SDK1: variants seen among roughly 807,000 people sequenced by gnomAD.
SDK1 encodes sidekick cell adhesion molecule 1.
In SDK1, 157 loss-of-function variants were observed where a neutral mutation model predicts 245.5. That is an observed-to-expected ratio of 0.64 (90% CI 0.56 to 0.73). SDK1 has a LOEUF of 0.73. SDK1 is among the 30% of genes least tolerant of loss of function. The pLI, the probability that SDK1 is intolerant of heterozygous loss-of-function variation, is 0.00. For synonymous variants in SDK1, 1,647 were observed against 1,278.5 expected, an observed-to-expected ratio of 1.29 and a Z score of -6.15; for missense variants, 3,583 against 3,002.3, an observed-to-expected ratio of 1.19 and a Z score of -4.52.
At chr7:3,684,111 C>A (rs889885419) in intron 4 of SDK1, among the ~76,000 whole-genome samples, 3 of 152,210 alleles carry the variant, frequency 2.0e-5, no homozygotes, top group Non-Finnish European at 2.9e-5. Context: ...ATCCTCCATT[C>A]CCTGCTCAGC....
intron 1 of SDK1, among the ~76,000 whole-genome samples, chr7:3,444,921 T>G (rs940790724): frequency 2.6e-5 from 4 of 152,198 alleles, no homozygotes; most frequent in Non-Finnish European, 5.9e-5. Flanking sequence ...AGTAATAAGA[T>G]AAGAAACTAT....
chr7:3,620,122 G>A lies in SDK1; in HGVS notation c.458+883G>A, dbSNP rs191594344. Among the ~76,000 whole-genome samples the A allele has an allele frequency of 2.1e-3, 314 of 152,166 alleles. 4 individuals are homozygous for A. Among genetic ancestry groups the A allele is most frequent in the African/African-American group, 7.4e-3 (307 of 41,518 alleles). ...TGGGCTGTATAGAGGCATTTTAAGT[G>A]GAATAACAAGCTTCTCAAATGGGGA... On this transcript the variant is annotated intron_variant, in intron 2 of 44. Transcript: ENST00000404826.
At chr7:3,302,261 G>A (rs983356627) in intron 1 of SDK1, 1 of 152,324 alleles carries the variant, frequency 6.6e-6, no homozygotes, top group Admixed American at 6.5e-5. Flanking sequence ...CTGGTTTCCG[G>A]TGAGTGACAT....
intron 1 of SDK1, among the ~76,000 whole-genome samples, chr7:3,377,516 T>C (rs1332391088): frequency 2.0e-5 from 3 of 152,090 alleles, no homozygotes; most frequent in South Asian, 4.2e-4. Context: ...TAAGCAGTAC[T>C]TGGTCAGGAG....
At chr7:3,476,105 T>G (rs1218741005) in intron 1 of SDK1, 1 of 152,684 alleles carries the variant, frequency 6.5e-6, no homozygotes, top group Non-Finnish European at 1.5e-5. Context: ...CTCTCTGTTT[T>G]AGATTAAGTG....
chr7:3,759,333 A>G (rs559884830), intron 4 of SDK1, among the ~76,000 whole-genome samples: 1 of 152,174 alleles, frequency 6.6e-6, no homozygotes, highest in African/African-American at 2.4e-5. Flanking sequence ...AATCATAGAA[A>G]CATTTTTAAA....
chr7:3,919,582 G>C (rs1779516890), intron 5 of SDK1, among the ~76,000 whole-genome samples: 1 of 152,166 alleles, frequency 6.6e-6, no homozygotes, highest in African/African-American at 2.4e-5. Flanking sequence ...TCGAGGCATT[G>C]ACCAAAATCT....
chr7:4,071,814 C>T (rs900693056), intron 20 of SDK1, among the ~76,000 whole-genome samples: 1 of 152,202 alleles, frequency 6.6e-6, no homozygotes, highest in East Asian at 1.9e-4. Context: ...GAATTCTGGC[C>T]TACCGTCTGC....
At chr7:3,423,948 A>G (rs1191736348) in intron 1 of SDK1, among the ~76,000 whole-genome samples, 13 of 147,848 alleles carry the variant, frequency 8.8e-5, no homozygotes, top group South Asian at 2.1e-4. Context: ...ATGAGTCTCT[A>G]TTGCCCAGGC....
intron 22 of SDK1, among the ~76,000 whole-genome samples, chr7:4,098,050 G>C (rs958189611): frequency 6.6e-6 from 1 of 152,118 alleles, no homozygotes; most frequent in African/African-American, 2.4e-5. Context: ...AATGTTTCTT[G>C]GTTGCTCGAC....
At chr7:3,480,304 C>T (rs547219183) in intron 1 of SDK1, among the ~76,000 whole-genome samples, 1 of 152,300 alleles carries the variant, frequency 6.6e-6, no homozygotes, top group Non-Finnish European at 1.5e-5. Flanking sequence ...ATGTGAAAAC[C>T]TAAGGAAATG....
chr7:3,349,849 G>A (rs1780610668), intron 1 of SDK1, among the ~76,000 whole-genome samples: 2 of 151,990 alleles, frequency 1.3e-5, no homozygotes, highest in African/African-American at 2.4e-5. Context: ...TTATCTGCCC[G>A]CCTCGGCCTC....
chr7:4,113,248 C>A (rs1185455663), intron 23 of SDK1, 41 bp from the exon 24 acceptor site: 1 of 1,595,700 alleles, frequency 6.3e-7, no homozygotes, highest in South Asian at 1.1e-5. Flanking sequence ...TCCTTCTTAC[C>A]TTTGCTTTGC....
At chr7:3,790,778 A>G (rs758909986) in intron 4 of SDK1, among the ~76,000 whole-genome samples, 1 of 152,160 alleles carries the variant, frequency 6.6e-6, no homozygotes, top group Admixed American at 6.5e-5. Context: ...TGCCTGGGAA[A>G]CAAGAGCGAA....
intron 1 of SDK1, among the ~76,000 whole-genome samples, chr7:3,609,837 A>G (rs1781536648): frequency 6.6e-6 from 1 of 151,866 alleles, no homozygotes; most frequent in African/African-American, 2.4e-5. Flanking sequence ...GGTAGCTGGG[A>G]CCACACGCAC....
At chr7:3,955,984 A>G (rs920877820) in intron 7 of SDK1, among the ~76,000 whole-genome samples, 1 of 152,102 alleles carries the variant, frequency 6.6e-6, no homozygotes, top group African/African-American at 2.4e-5. Context: ...AAGGCGGAAA[A>G]TCTGAGCTGG....
chr7:3,722,513 C>T (rs1266859586), intron 4 of SDK1, among the ~76,000 whole-genome samples: 3 of 152,162 alleles, frequency 2.0e-5, no homozygotes, highest in South Asian at 2.1e-4. Flanking sequence ...AGCCATTTGC[C>T]TTCCCTCCTC....
At chr7:3,624,949 G>A (rs971533642) in intron 2 of SDK1, among the ~76,000 whole-genome samples, 3 of 152,238 alleles carry the variant, frequency 2.0e-5, no homozygotes, top group Admixed American at 6.5e-5. Flanking sequence ...GGAGGCAGGA[G>A]AATCCCTTGA....
At chr7:3,631,289 C>T (rs1427476895) in intron 2 of SDK1, among the ~76,000 whole-genome samples, 2 of 152,064 alleles carry the variant, frequency 1.3e-5, no homozygotes, top group Non-Finnish European at 2.9e-5. Flanking sequence ...CTGTACTCAC[C>T]AAGAAGAAAG....
Sources: allele counts gnomAD v4.1 joint callset (sites outside exome capture counted in the v4.1 genomes callset), GRCh38; gene constraint gnomAD v4.1.1; transcripts MANE v1.5; gene names NCBI Gene and HGNC (gene_info 2026-07-23, HGNC 2026-07-21).